Variants in GULP1 observed in about 807,000 individuals in gnomAD.
The protein encoded by GULP1 is GULP PTB domain containing engulfment adaptor 1, also known as PTB domain-containing engulfment adapter protein 1.
A neutral mutation model predicts 40.9 loss-of-function variants in GULP1; 19 were observed. That is an observed-to-expected ratio of 0.46 (90% CI 0.32 to 0.68). GULP1 has a LOEUF of 0.68. Among genes scored for constraint, GULP1 ranks in the 30% least tolerant of loss-of-function variants. GULP1 has a pLI of 0.03. For missense variants in GULP1, 312 were observed against 362.2 expected, an observed-to-expected ratio of 0.86 and a Z score of 1.12; for synonymous variants, 119 against 117.6, an observed-to-expected ratio of 1.01 and a Z score of -0.08.
At chr2:188,573,386 T>C (rs1294487442) in intron 9 of GULP1, among the ~76,000 whole-genome samples, 4 of 152,226 alleles carry the variant, frequency 2.6e-5, no homozygotes, top group Non-Finnish European at 5.9e-5. Context: ...ATTCAGATTA[T>C]TGAATTTGAA....
chr2:188,558,217 A>G (rs1242544979), intron 7 of GULP1, among the ~76,000 whole-genome samples: 1 of 152,182 alleles, frequency 6.6e-6, no homozygotes, highest in East Asian at 1.9e-4. Context: ...GTACTCCCAT[A>G]ATACCCATAT....
intron 2 of GULP1, among the ~76,000 whole-genome samples, chr2:188,385,692 T>G (rs536180957): frequency 1.3e-5 from 2 of 152,300 alleles, no homozygotes; most frequent in Non-Finnish European, 2.9e-5. Flanking sequence ...GCTTTGCTGC[T>G]TAGACATTCC....
chr2:188,399,701 A>AAC lies in GULP1; in HGVS notation c.-45+15813_-45+15814insCA, dbSNP rs1553540246. Among the ~76,000 whole-genome samples the AAC allele has an allele frequency of 5.4e-5, 8 of 149,392 alleles. No homozygotes were observed. In the East Asian group the frequency reaches 1.4e-3, roughly 26 times the overall value. On this transcript the variant is annotated intron_variant, in intron 2 of 11. Transcript: ENST00000409830. The stretch of plus-strand genomic sequence containing the variant: ...CCCTGTCCCTACAAGAAAAAAAAAA[A>AAC]AAAAAAAAAAAAACATCAAACTGTA...
chr2:188,299,554 G>A (rs1001847413), intron 1 of GULP1, among the ~76,000 whole-genome samples: 2 of 152,104 alleles, frequency 1.3e-5, no homozygotes, highest in African/African-American at 4.8e-5. Context: ...TTTAAACTGT[G>A]CATCTGCAAA....
chr2:188,439,105 A>G (rs995295390), intron 2 of GULP1, among the ~76,000 whole-genome samples: 2 of 152,140 alleles, frequency 1.3e-5, no homozygotes, highest in South Asian at 2.1e-4. Context: ...GCATATTTCT[A>G]CCAACTATTG....
rs866664539 is a variant in GULP1 at position 188,453,654 on chromosome 2, C to T, written c.-44-24005C>T. Among the ~76,000 whole-genome samples, 13 of 152,314 alleles carry T rather than the reference C, an allele frequency of 8.5e-5. No homozygotes were observed. In the Middle Eastern group the frequency reaches 0.01, roughly 120 times the overall value. Reference sequence around the variant, plus strand: ...TTGACATATTCCAAGATACAGAGAGCAATGGCCAATATGTAGTTCGAATTA... The same window carrying T: ...TTGACATATTCCAAGATACAGAGAGTAATGGCCAATATGTAGTTCGAATTA... On this transcript the variant is annotated intron_variant, in intron 2 of 11. Coordinates refer to ENST00000409830, the MANE Select transcript of GULP1 (RefSeq NM_016315.4).
At chr2:188,407,652 TAAG>T (rs2053303646) in intron 2 of GULP1, among the ~76,000 whole-genome samples, 1 of 151,484 alleles carries the variant, frequency 6.6e-6, no homozygotes, top group Non-Finnish European at 1.5e-5. Flanking sequence ...AATGCACAAA[TAAG>T]AAAAAGTAGG....
intron 2 of GULP1, among the ~76,000 whole-genome samples, chr2:188,445,630 T>G (rs968484745): frequency 6.6e-6 from 1 of 152,176 alleles, no homozygotes; most frequent in East Asian, 1.9e-4. Flanking sequence ...GCACAGTACT[T>G]CATAGATTAT....
At chr2:188,379,202 A>G (rs1018728588) in intron 1 of GULP1, among the ~76,000 whole-genome samples, 1 of 152,150 alleles carries the variant, frequency 6.6e-6, no homozygotes, top group Non-Finnish European at 1.5e-5. Context: ...GAAAGCATGG[A>G]TTGAATTTGA....
intron 1 of GULP1, among the ~76,000 whole-genome samples, chr2:188,309,363 GGCTGAGGTGGGAGGACT>G (rs1476869889): frequency 6.6e-6 from 1 of 152,098 alleles, no homozygotes; most frequent in Non-Finnish European, 1.5e-5. Context: ...CTACTCAGGA[GGCTGAGGTGGGAGGACT>G]GCTTGAGCCT....
At chr2:188,580,901 C>G (rs2153455356) in intron 9 of GULP1, among the ~76,000 whole-genome samples, 1 of 152,292 alleles carries the variant, frequency 6.6e-6, no homozygotes, top group East Asian at 1.9e-4. Context: ...TGATTTGCGG[C>G]TGAGGAATGT....
intron 2 of GULP1, among the ~76,000 whole-genome samples, chr2:188,416,181 C>T (rs1471908633): frequency 2.0e-5 from 3 of 152,072 alleles, no homozygotes; most frequent in African/African-American, 7.2e-5. Flanking sequence ...TCTTTTTCCT[C>T]CCTTGCTTCC....
At chr2:188,316,795 C>T (rs535523467) in intron 1 of GULP1, among the ~76,000 whole-genome samples, 1 of 152,134 alleles carries the variant, frequency 6.6e-6, no homozygotes, top group Non-Finnish European at 1.5e-5. Flanking sequence ...AGTAGAATCC[C>T]CATAAAAGTA....
chr2:188,298,877 CA>C (rs1214357951), intron 1 of GULP1, among the ~76,000 whole-genome samples: 2 of 152,080 alleles, frequency 1.3e-5, no homozygotes, highest in Non-Finnish European at 1.5e-5. Flanking sequence ...AGCACTCAGG[CA>C]AAAGTTTGCT....
At chr2:188,505,966 C>A (rs986399338) in intron 4 of GULP1, among the ~76,000 whole-genome samples, 7 of 151,768 alleles carry the variant, frequency 4.6e-5, no homozygotes, top group African/African-American at 1.7e-4. Context: ...CACCACACAT[C>A]TACATAGTAC....
At chr2:188,568,610 C>G (rs1160664035) in intron 7 of GULP1, among the ~76,000 whole-genome samples, 1 of 152,146 alleles carries the variant, frequency 6.6e-6, no homozygotes, top group African/African-American at 2.4e-5. Context: ...TGGGAGCTCT[C>G]ATATAAAATT....
intron 2 of GULP1, among the ~76,000 whole-genome samples, chr2:188,450,121 T>C (rs781587291): frequency 6.6e-6 from 1 of 152,198 alleles, no homozygotes; most frequent in Non-Finnish European, 1.5e-5. Flanking sequence ...ATGTTTGTTA[T>C]GTGATCATCA....
intron 7 of GULP1, among the ~76,000 whole-genome samples, chr2:188,554,559 CTAATATAT>C (rs1694287857): frequency 1.3e-5 from 2 of 150,848 alleles, no homozygotes; most frequent in Non-Finnish European, 3.0e-5. Flanking sequence ...GTTTTGTGGC[CTAATATAT>C]GGGCTATACT....
chr2:188,424,434 T>C (rs1276742492), intron 2 of GULP1, among the ~76,000 whole-genome samples: 1 of 151,972 alleles, frequency 6.6e-6, no homozygotes, highest in Non-Finnish European at 1.5e-5. Context: ...TTCATGTATA[T>C]GCTCATTTTG....
Sources: allele counts gnomAD v4.1 joint callset (sites outside exome capture counted in the v4.1 genomes callset), GRCh38; gene constraint gnomAD v4.1.1; transcripts MANE v1.5; gene names NCBI Gene and HGNC (gene_info 2026-07-23, HGNC 2026-07-21).